The following METTL15 variants were observed in gnomAD, a reference collection of about 807,000 sequenced individuals.
METTL15 encodes the protein methyltransferase 15, mitochondrial 12S rRNA N4-cytidine, also known as 12S rRNA N(4)-cytidine methyltransferase METTL15.
A neutral mutation model predicts 38.3 loss-of-function variants in METTL15; 34 were observed. The ratio of observed to expected loss-of-function variants is 0.89; its 90% CI spans 0.68 to 1.18. The LOEUF (loss-of-function observed/expected upper bound fraction) is 1.18, where lower values mean the gene tolerates loss of function less well. METTL15 is among the 50% of genes most tolerant of loss of function. METTL15 has a pLI of 0.00. For missense variants in METTL15, 438 were observed against 498.4 expected (o/e 0.88, Z 1.15); for synonymous variants, 162 against 170.9 (o/e 0.95, Z 0.41).
intron 6 of METTL15, among the ~76,000 whole-genome samples, chr11:28,523,222 A>C (rs1851782546): frequency 6.6e-6 from 1 of 152,244 alleles, no homozygotes; most frequent in African/African-American, 2.4e-5. Flanking sequence ...TTGGGCACAT[A>C]AGTAGTCTGT....
intron 5 of METTL15, among the ~76,000 whole-genome samples, chr11:28,388,999 A>G (rs549343222): frequency 1.8e-4 from 27 of 152,194 alleles, no homozygotes; most frequent in Admixed American, 1.4e-3. Context: ...TGTCCCTACA[A>G]AGGACATGAA....
At chr11:28,409,705 T>C (rs12276479) in intron 5 of METTL15, among the ~76,000 whole-genome samples, 2,688 of 152,158 alleles carry the variant, frequency 0.018, 52 homozygotes, top group African/African-American at 0.051. Context: ...AATTGTCTTA[T>C]GTTACACTTC....
At position 28,120,445 on chromosome 11, in the gene METTL15, A is replaced by G. The variant is rs1288073694; in HGVS notation, c.270+6841A>G. On this transcript the variant is annotated intron_variant, in intron 3 of 6. Transcript: ENST00000407364. ...CATTAAGTGGCCTTTGTATTAAAATATCTTCTGAAATGTGACACTGCCAGT... is the reference window on the plus strand; with the variant it reads ...CATTAAGTGGCCTTTGTATTAAAATGTCTTCTGAAATGTGACACTGCCAGT... Among the ~76,000 whole-genome samples, 3 of 152,024 alleles carry G rather than the reference A, an allele frequency of 2.0e-5. No homozygotes were observed. In the East Asian group the frequency reaches 5.8e-4, roughly 29 times the overall value.
intron 4 of METTL15, among the ~76,000 whole-genome samples, chr11:28,229,517 T>C (rs1048378220): frequency 6.6e-6 from 1 of 151,966 alleles, no homozygotes; most frequent in Non-Finnish European, 1.5e-5. Context: ...AATGAGACCT[T>C]TGGGGAAGTG....
chr11:28,437,669 C>T (rs1283972165), intron 6 of METTL15, among the ~76,000 whole-genome samples: 2 of 152,180 alleles, frequency 1.3e-5, no homozygotes, highest in Non-Finnish European at 2.9e-5. Context: ...TTCAGTCAAC[C>T]TGAGTCAGAA....
chr11:28,116,773 AAATTTT>A (rs1331004024), intron 3 of METTL15, among the ~76,000 whole-genome samples: 2 of 152,138 alleles, frequency 1.3e-5, no homozygotes, highest in Non-Finnish European at 2.9e-5. Context: ...ATTTTTTTTT[AAATTTT>A]AATTGTTCTA....
At position 28,526,041 on chromosome 11, in the gene METTL15, C is replaced by T. The variant is rs191485137; in HGVS notation, c.*425-437C>T. ...GGCGCACCCTCTGCAGCTGCTGGCC[C>T]GGGTGCTAAGCACCTCACTGCCCAG... On this transcript the variant is annotated intron_variant and NMD_transcript_variant, in intron 6 of 7. Transcript: ENST00000532947. 4.0e-3 allele frequency among the ~76,000 whole-genome samples: 602 copies of T among 152,338 alleles called. 6 individuals carry two copies. The highest frequency in any genetic ancestry group is 0.014 in the African/African-American group (565 of 41,578).
chr11:28,370,289 T>C (rs1302284100), intron 5 of METTL15, among the ~76,000 whole-genome samples: 1 of 143,252 alleles, frequency 7.0e-6, no homozygotes, highest in Non-Finnish European at 1.6e-5. Context: ...TTAGCTCTCA[T>C]ATATGAGTGA....
intron 4 of METTL15, among the ~76,000 whole-genome samples, chr11:28,230,313 G>A (rs180993508): frequency 2.7e-4 from 41 of 151,742 alleles, no homozygotes; most frequent in African/African-American, 8.2e-4. Flanking sequence ...TAGAATATTT[G>A]GCTTAAAAGT....
intron 4 of METTL15, among the ~76,000 whole-genome samples, chr11:28,270,260 A>G (rs80280623): frequency 7.2e-4 from 110 of 152,288 alleles, no homozygotes; most frequent in Middle Eastern, 6.8e-3. Context: ...TAACTGACAA[A>G]TATTGCATAT....
chr11:28,390,487 T>A (rs1369805426), intron 5 of METTL15, among the ~76,000 whole-genome samples: 5 of 152,194 alleles, frequency 3.3e-5, no homozygotes, highest in African/African-American at 1.2e-4. Flanking sequence ...AAATAGGGAA[T>A]CCTTTCCCCA....
At chr11:28,258,075 C>T (rs1855045442) in intron 4 of METTL15, among the ~76,000 whole-genome samples, 2 of 152,190 alleles carry the variant, frequency 1.3e-5, no homozygotes, top group Non-Finnish European at 2.9e-5. Context: ...GTGATCTAAG[C>T]TATATCTGCT....
chr11:28,392,376 A>G (rs1001193152), intron 5 of METTL15, among the ~76,000 whole-genome samples: 1 of 152,130 alleles, frequency 6.6e-6, no homozygotes, highest in Non-Finnish European at 1.5e-5. Flanking sequence ...TAGAATTGGT[A>G]TAAGGACAGA....
intron 6 of METTL15, among the ~76,000 whole-genome samples, chr11:28,502,584 A>G (rs189750895): frequency 5.3e-5 from 8 of 152,376 alleles, no homozygotes; most frequent in Admixed American, 2.0e-4. Context: ...GGAAATAAAA[A>G]GTGGAAAAAA....
intron 5 of METTL15, among the ~76,000 whole-genome samples, chr11:28,371,980 T>C (rs4367931): frequency 1.9e-3 from 292 of 152,176 alleles, no homozygotes; most frequent in African/African-American, 6.4e-3. Flanking sequence ...TGCCTTTTTT[T>C]CTTTCTCTCA....
At position 28,374,165 on chromosome 11, in the gene METTL15, G is replaced by A. The variant is rs149298922; in HGVS notation, c.*358+12129G>A. ...GCGATGCGGGCTCTTTTTTGGTTCC[G>A]TATGAACTTAAAGTAGTTTTTTCCA... On this transcript the variant is annotated intron_variant and NMD_transcript_variant, in intron 5 of 7. Transcript: ENST00000532947. Among the ~76,000 whole-genome samples, 997 of 151,986 alleles carry A rather than the reference G, an allele frequency of 6.6e-3. 14 individuals carry two copies. Among genetic ancestry groups the A allele is most frequent in the African/African-American group, 0.022 (914 of 41,450 alleles).
chr11:28,112,757 C>T (rs993847998), intron 2 of METTL15, among the ~76,000 whole-genome samples: 1 of 152,092 alleles, frequency 6.6e-6, no homozygotes, highest in Non-Finnish European at 1.5e-5. Flanking sequence ...GTCAGAGAAT[C>T]GGACTGATAG....
chr11:28,377,600 T>G (rs568982654), intron 5 of METTL15, among the ~76,000 whole-genome samples: 1 of 152,040 alleles, frequency 6.6e-6, no homozygotes, highest in South Asian at 2.1e-4. Flanking sequence ...TGCCTTTGGT[T>G]TGAATGTCCT....
intron 6 of METTL15, among the ~76,000 whole-genome samples, chr11:28,424,820 G>T (rs1003948616): frequency 2.6e-5 from 4 of 152,136 alleles, no homozygotes; most frequent in African/African-American, 9.7e-5. Flanking sequence ...AGACATTCCA[G>T]ACTTCCTCTG....
Sources: allele counts gnomAD v4.1 joint callset (sites outside exome capture counted in the v4.1 genomes callset), GRCh38; gene constraint gnomAD v4.1.1; transcripts MANE v1.5; gene names NCBI Gene and HGNC (gene_info 2026-07-23, HGNC 2026-07-21).